UPP2: variants seen among roughly 807,000 people sequenced by gnomAD.
The protein encoded by UPP2 is uridine phosphorylase 2, also known as UPase 2.
A neutral mutation model predicts 26.7 loss-of-function variants in UPP2; 23 were observed. The observed-to-expected ratio is 0.86, with a 90% CI of 0.62 to 1.22. UPP2 has a LOEUF of 1.22. Ranked by LOEUF, UPP2 falls within the 50% of genes most tolerant of loss-of-function variation. The pLI is 0.00. For synonymous variants in UPP2, 127 were observed against 141.3 expected (o/e 0.90, Z 0.72); for missense variants, 387 against 396.7 (o/e 0.98, Z 0.21).
chr2:158,084,541 C>T (rs540689644), intron 3 of UPP2, among the ~76,000 whole-genome samples: 8 of 151,896 alleles, frequency 5.3e-5, no homozygotes, highest in East Asian at 1.9e-4. Context: ...CATTTGCTTT[C>T]GGGTTCTTGG....
upstream of UPP2, among the ~76,000 whole-genome samples, chr2:158,097,966 T>C (rs1382839657): frequency 6.6e-6 from 1 of 151,862 alleles, no homozygotes; most frequent in Non-Finnish European, 1.5e-5. Context: ...GGAGTTAGAG[T>C]AGGAAATTAG....
chr2:158,092,553 G>T (rs1247109254), intron 3 of UPP2, among the ~76,000 whole-genome samples: 1 of 152,214 alleles, frequency 6.6e-6, no homozygotes, highest in Non-Finnish European at 1.5e-5. Flanking sequence ...AGCCCATGCT[G>T]AAGAACTATT....
At chr2:158,063,119 CT>C (rs1432253074) in intron 3 of UPP2, among the ~76,000 whole-genome samples, 1 of 152,086 alleles carries the variant, frequency 6.6e-6, no homozygotes, top group Non-Finnish European at 1.5e-5. Flanking sequence ...AATGATTTAA[CT>C]TTTTTTTCTG....
chr2:158,083,297 G>T (rs917718901), intron 3 of UPP2, among the ~76,000 whole-genome samples: 3 of 152,066 alleles, frequency 2.0e-5, no homozygotes, highest in Non-Finnish European at 4.4e-5. Context: ...CAAAGACTTG[G>T]AACCAACCTA....
intron 3 of UPP2, among the ~76,000 whole-genome samples, chr2:158,080,455 T>G (rs1056252885): frequency 6.6e-6 from 1 of 152,180 alleles, no homozygotes; most frequent in South Asian, 2.1e-4. Flanking sequence ...GTGACAGAAT[T>G]GTGCTGTACT....
chr2:158,082,864 GAAAA>G (rs1302163298), intron 3 of UPP2, among the ~76,000 whole-genome samples: 1 of 151,786 alleles, frequency 6.6e-6, no homozygotes, highest in East Asian at 1.9e-4. Context: ...AATTTACAGG[GAAAA>G]AACAACCCCA....
At chr2:158,060,883 G>A (rs559325463) in intron 3 of UPP2, among the ~76,000 whole-genome samples, 9 of 152,124 alleles carry the variant, frequency 5.9e-5, no homozygotes, top group Admixed American at 1.3e-4. Flanking sequence ...TTCGACTTCC[G>A]GCCTTCGGAA....
intron 3 of UPP2, among the ~76,000 whole-genome samples, chr2:158,060,658 A>G (rs910375669): frequency 6.6e-6 from 1 of 152,198 alleles, no homozygotes; most frequent in Non-Finnish European, 1.5e-5. Flanking sequence ...CTAACTTCCA[A>G]TGAGATAGTA....
intron 3 of UPP2, among the ~76,000 whole-genome samples, chr2:158,036,313 C>T (rs976160378): frequency 1.1e-4 from 17 of 152,162 alleles, no homozygotes; most frequent in Non-Finnish European, 1.8e-4. Context: ...TCACTTGAAC[C>T]TGAAAAGCAG....
At chr2:158,021,782 G>A (rs552313521) in intron 3 of UPP2, among the ~76,000 whole-genome samples, 1 of 152,238 alleles carries the variant, frequency 6.6e-6, no homozygotes, top group East Asian at 1.9e-4. Flanking sequence ...ATCATAGACA[G>A]GCTCTACATG....
intron 2 of UPP2, among the ~76,000 whole-genome samples, chr2:158,013,183 A>T (rs934254621): frequency 1.3e-5 from 2 of 152,078 alleles, no homozygotes; most frequent in African/African-American, 4.8e-5. Flanking sequence ...TTTTGTGGAG[A>T]TGGAGTCTCA....
chr2:158,060,532 C>T (rs1682336233), intron 3 of UPP2, among the ~76,000 whole-genome samples: 1 of 152,138 alleles, frequency 6.6e-6, no homozygotes, highest in Admixed American at 6.5e-5. Flanking sequence ...AGAGACACAT[C>T]TTTTGTTTTG....
At chr2:158,069,495 G>A (rs574598551) in intron 3 of UPP2, among the ~76,000 whole-genome samples, 50 of 152,308 alleles carry the variant, frequency 3.3e-4, no homozygotes, top group African/African-American at 1.1e-3. Flanking sequence ...TCCTACAGTA[G>A]GGGTGACTCC....
At chr2:158,120,505 G>C (rs778599125) in intron 4 of UPP2, among the ~76,000 whole-genome samples, 5 of 152,020 alleles carry the variant, frequency 3.3e-5, no homozygotes, top group Admixed American at 2.0e-4. Context: ...GCAGTGAACA[G>C]ACATAGTTCT....
chr2:158,063,411 T>C (rs1682383160), intron 3 of UPP2, among the ~76,000 whole-genome samples: 2 of 152,210 alleles, frequency 1.3e-5, no homozygotes, highest in African/African-American at 2.4e-5. Flanking sequence ...ATCAGGATTA[T>C]ACCTTGTAGT....
intron 3 of UPP2, among the ~76,000 whole-genome samples, chr2:158,047,836 T>C (rs1682053769): frequency 6.6e-6 from 1 of 152,200 alleles, no homozygotes; most frequent in South Asian, 2.1e-4. Context: ...TCTTTGTAAA[T>C]TGCTGGATTA....
At chr2:158,037,861 C>A (rs578004304) in intron 3 of UPP2, among the ~76,000 whole-genome samples, 1 of 152,028 alleles carries the variant, frequency 6.6e-6, no homozygotes, top group Admixed American at 6.6e-5. Context: ...GGGGGAGATA[C>A]AATTCAATCC....
chr2:158,068,878 C>T lies in UPP2; in HGVS notation c.148-33162C>T, dbSNP rs1269627355. Among the ~76,000 whole-genome samples the T allele has an allele frequency of 9.3e-5, 11 of 118,728 alleles. No homozygotes were observed. In the Admixed American group the frequency reaches 1.2e-3, roughly 12 times the overall value. The allele number at this position is 118,728 out of a possible 152,430, so 77.9% of individuals were successfully genotyped here. A position where few individuals can be genotyped will look rare whatever the true frequency, so the allele number is the denominator to read the frequency against. On this transcript the variant is annotated intron_variant, in intron 3 of 9. Transcript: ENST00000605860. ...TGTCACCCAGGCTGGAGTGCAGTGG[C>T]GCAATCTCAGCTCACTGCAAGCTCC...
intron 6 of UPP2, among the ~76,000 whole-genome samples, chr2:158,124,729 G>A (rs1683656272): frequency 6.6e-6 from 1 of 152,196 alleles, no homozygotes; most frequent in Non-Finnish European, 1.5e-5. Context: ...AACATTTGCT[G>A]ACAACTTGAT....
Sources: allele counts gnomAD v4.1 joint callset (sites outside exome capture counted in the v4.1 genomes callset), GRCh38; gene constraint gnomAD v4.1.1; transcripts MANE v1.5; gene names NCBI Gene and HGNC (gene_info 2026-07-23, HGNC 2026-07-21).